CIITA: variants seen among roughly 807,000 people sequenced by gnomAD.
The protein encoded by CIITA is MHC class II transactivator.
In CIITA, 72 loss-of-function variants were observed where a neutral mutation model predicts 115.1. The ratio of observed to expected loss-of-function variants is 0.63; its 90% CI spans 0.52 to 0.76. The LOEUF is 0.76. Ranked by LOEUF, CIITA falls within the 30% of genes least tolerant of loss-of-function variation. CIITA has a pLI of 0.00. For synonymous variants in CIITA, 763 were observed against 635.6 expected, an observed-to-expected ratio of 1.20 and a Z score of -3.02; for missense variants, 1,617 against 1,463.8, an observed-to-expected ratio of 1.10 and a Z score of -1.71.
chr16:10,937,521 T>G (rs2041045595), downstream of CIITA: 1 of 152,254 alleles, frequency 6.6e-6, no homozygotes. This position sits in a 1 kb window ranked among gnomAD's most constrained non-coding sequence, Gnocchi z 4.2. Flanking sequence ...GATAGACCAA[T>G]GCATCGATAA....
At chr16:10,874,949 G>A (rs2035728842), upstream of CIITA, among the ~76,000 whole-genome samples, 1 of 152,078 alleles carries the variant, frequency 6.6e-6, no homozygotes, top group Non-Finnish European at 1.5e-5. Context: ...AGGATAATGA[G>A]ACTTCTTAGA....
intron 1 of CIITA, among the ~76,000 whole-genome samples, 173 bp downstream of exon 1, chr16:10,877,555 C>T (rs1021459974): frequency 6.6e-6 from 1 of 152,196 alleles, no homozygotes; most frequent in South Asian, 2.1e-4. Flanking sequence ...CTATTTCCTT[C>T]CACCGGAGGG....
intron 1 of CIITA, among the ~76,000 whole-genome samples, chr16:10,893,058 T>G (rs985871766): frequency 6.6e-6 from 1 of 152,212 alleles, no homozygotes. Context: ...GAGTAGGTGA[T>G]GTGGCCACTA....
At chr16:10,914,106 A>G (rs1018447684) in intron 13 of CIITA, among the ~76,000 whole-genome samples, 3 of 152,066 alleles carry the variant, frequency 2.0e-5, no homozygotes, top group Non-Finnish European at 4.4e-5. Context: ...CTGGAATGTC[A>G]GCACCCAGAA....
intron 16 of CIITA, 83 bp downstream of exon 16, chr16:10,918,609 G>T (rs1336054927): frequency 8.3e-7 from 1 of 1,204,482 alleles, no homozygotes; most frequent in Non-Finnish European, 1.2e-6. Context: ...TGGCTGCAGG[G>T]GACACTGAGA....
In CIITA at chr16:10,907,521, G is replaced by C. The variant is rs777151486; in HGVS notation, c.2029G>C (p.Glu677Gln). The change falls in exon 11 of 20, where the codon GAG becomes CAG. Residue 677 changes from glutamate (E) to glutamine (Q), a missense_variant. Transcript: ENST00000324288. This position sits in a 1 kb window ranked among gnomAD's most constrained non-coding sequence, Gnocchi z 5.0. ...CCGCAGACATCAAAGTACCCTACAG[G>C]AGGACCAGTTCCCATCCGCAGACGT... ...LGRRHQSTLQEDQFPSADVRT... is the reference protein window; with the variant it reads ...LGRRHQSTLQQDQFPSADVRT... The C allele has an allele frequency of 1.2e-6, 2 of 1,614,106 alleles. No individual in the cohort carries two copies. Among genetic ancestry groups the C allele is most frequent in the Non-Finnish European group, 1.7e-6 (2 of 1,180,020 alleles).
chr16:10,908,867 T>G (rs982138494), intron 11 of CIITA, 162 bp from the exon 12 acceptor site: 10 of 932,904 alleles, frequency 1.1e-5, no homozygotes, highest in Non-Finnish European at 1.7e-5. Context: ...AAAGTAGGAA[T>G]CAATAAAGGC....
intron 1 of CIITA, among the ~76,000 whole-genome samples, chr16:10,886,059 T>TG (rs1329537119): frequency 6.8e-6 from 1 of 147,660 alleles, no homozygotes; most frequent in Non-Finnish European, 1.5e-5. Context: ...TGTTTTGCCT[T>TG]TTTTTTTTTT....
chr16:10,914,354 T>C (rs900076755), intron 13 of CIITA, among the ~76,000 whole-genome samples: 1 of 152,222 alleles, frequency 6.6e-6, no homozygotes, highest in African/African-American at 2.4e-5. Context: ...CTGAGGCCAG[T>C]GTTCTCAGAC....
intron 1 of CIITA, among the ~76,000 whole-genome samples, chr16:10,880,037 G>A (rs185710217): frequency 5.6e-4 from 86 of 152,318 alleles, no homozygotes; most frequent in Non-Finnish European, 8.4e-4. Flanking sequence ...TACTTCTCCG[G>A]AGTGAGATTA....
At chr16:10,905,639 G>A (rs1257661124) in intron 10 of CIITA, among the ~76,000 whole-genome samples, 2 of 152,042 alleles carry the variant, frequency 1.3e-5, no homozygotes, top group East Asian at 1.9e-4. Context: ...GTGGGTGCCT[G>A]TAATCCCAGC....
intron 13 of CIITA, among the ~76,000 whole-genome samples, chr16:10,911,082 G>A (rs1026847402): frequency 6.6e-6 from 1 of 152,150 alleles, no homozygotes; most frequent in Non-Finnish European, 1.5e-5. Flanking sequence ...CCTAGGCAAG[G>A]CTCTAGGGAG....
chr16:10,922,194 G>C lies in CIITA; in HGVS notation c.3177G>C (p.Val1059=). The C allele has an allele frequency of 6.2e-7, 1 of 1,614,230 alleles. No individual in the cohort carries two copies. The highest frequency in any genetic ancestry group is 8.5e-7 in the Non-Finnish European group (1 of 1,180,036). Residue 1059 remains valine, a synonymous_variant, in exon 17 of 20, where the codon GTG becomes GTC. Transcript: ENST00000324288. ...TGTACAATAACTGCATCTGCGACGTGGGAGCCGAGAGCTTGGCTCGTGTGC... is the reference window on the plus strand; with the variant it reads ...TGTACAATAACTGCATCTGCGACGTCGGAGCCGAGAGCTTGGCTCGTGTGC... ...LSLYNNCICD[V]GAESLARVLP...
intron 18 of CIITA, among the ~76,000 whole-genome samples, chr16:10,922,721 T>C (rs1007827668): frequency 1.3e-5 from 2 of 152,228 alleles, no homozygotes; most frequent in African/African-American, 2.4e-5. Context: ...AAAGCTCTTA[T>C]AACAACAGTA....
intron 1 of CIITA, among the ~76,000 whole-genome samples, chr16:10,871,412 C>T (rs948617978): frequency 4.6e-5 from 7 of 152,320 alleles, no homozygotes; most frequent in Non-Finnish European, 8.8e-5. Flanking sequence ...GTAGGGCACC[C>T]CTGCCAGGGT....
upstream of CIITA, among the ~76,000 whole-genome samples, chr16:10,876,425 G>C (rs1046651861): frequency 2.6e-5 from 4 of 152,234 alleles, no homozygotes; most frequent in African/African-American, 9.6e-5. Context: ...ATTATAGCAA[G>C]ATACTGTTGA....
In CIITA at chr16:10,908,143, G is replaced by A. The variant is rs374443915; in HGVS notation, c.2651G>A (p.Arg884His). The part of the protein sequence containing the change: ...GSLVGLSCVT[R>H]FRAALSDTVA... Reference sequence around the variant, plus strand: ...CTCGTGGGACTCAGCTGTGTCACCCGTTTCAGGTGGGGTGAGGGGCTTGGG... The same window carrying A: ...CTCGTGGGACTCAGCTGTGTCACCCATTTCAGGTGGGGTGAGGGGCTTGGG... The change falls in exon 11 of 20, where the codon CGT becomes CAT. Residue 884 changes from arginine to histidine, a missense_variant. By Grantham distance (29) the Arg-to-His change is conservative (BLOSUM62 0). Transcript: ENST00000324288. 161 of 1,563,594 alleles carry A rather than the reference G, an allele frequency of 1.0e-4. No homozygotes were observed. The highest frequency in any genetic ancestry group is 8.7e-4 in the African/African-American group (64 of 73,600).
chr16:10,919,067 T>C (rs532650389), intron 16 of CIITA, among the ~76,000 whole-genome samples: 1 of 152,332 alleles, frequency 6.6e-6, no homozygotes, highest in African/African-American at 2.4e-5. Context: ...TACCAGCTCT[T>C]CTTACTCGCC....
intron 3 of CIITA, among the ~76,000 whole-genome samples, chr16:10,897,168 A>C (rs984752637): frequency 2.0e-5 from 3 of 152,204 alleles, no homozygotes; most frequent in African/African-American, 4.8e-5. Flanking sequence ...ATAAAGAAAA[A>C]AAATATTTCT....
Sources: gnomAD v4.1 joint callset for allele counts (sites outside exome capture counted in the v4.1 genomes callset) on GRCh38, gnomAD v4.1.1 for gene constraint, Gnocchi (gnomAD v3.1) non-coding constraint, MANE v1.5 for transcripts, NCBI Gene and HGNC (gene_info 2026-07-23, HGNC 2026-07-21) for gene names.